Variants in WTAP observed in about 807,000 individuals in gnomAD.
WTAP encodes the protein pre-mRNA-splicing regulator WTAP.
WTAP carries 8 observed loss-of-function variants against 50.0 expected under a neutral mutation model. The observed-to-expected ratio is 0.16, with a 90% CI of 0.09 to 0.29. WTAP has a LOEUF of 0.29. WTAP is among the 10% of genes least tolerant of loss of function. WTAP has a pLI of 1.00. For missense variants in WTAP, 295 were observed against 470.7 expected, an observed-to-expected ratio of 0.63 and a Z score of 3.45; for synonymous variants, 194 against 169.0, an observed-to-expected ratio of 1.15 and a Z score of -1.15.
intron 5 of WTAP, among the ~76,000 whole-genome samples, chr6:159,747,907 A>G (rs1779670907): frequency 6.6e-6 from 1 of 152,066 alleles, no homozygotes. Context: ...TATTTTTTTA[A>G]TTGACAAATA....
chr6:159,738,881 T>C, intron 2 of WTAP, 109 bp from the exon 3 acceptor site: 1 of 707,672 alleles, frequency 1.4e-6, no homozygotes, highest in South Asian at 2.6e-5. Context: ...AATCATAATA[T>C]GTACTGAGCC....
intron 2 of WTAP, chr6:159,736,615 A>G (rs1256787403): frequency 9.6e-6 from 2 of 208,768 alleles, no homozygotes; most frequent in Non-Finnish European, 9.5e-6. Flanking sequence ...TTCCAGGTAC[A>G]TATATACAAA....
intron 1 of WTAP, among the ~76,000 whole-genome samples, chr6:159,732,906 T>TGTGTGTGTGTGG (rs2114880360): frequency 1.8e-5 from 2 of 110,544 alleles, no homozygotes; most frequent in South Asian, 6.1e-4. Context: ...TGTGTGTGTG[T>TGTGTGTGTGTGG]GTGTGTGTGT....
At chr6:159,730,478 C>T (rs1778499189) in intron 1 of WTAP, among the ~76,000 whole-genome samples, 1 of 152,016 alleles carries the variant, frequency 6.6e-6, no homozygotes, top group Non-Finnish European at 1.5e-5. Context: ...TACCAAACTT[C>T]TCGGTACATT....
intron 1 of WTAP, among the ~76,000 whole-genome samples, chr6:159,728,653 T>C (rs139263609): frequency 2.0e-5 from 3 of 152,360 alleles, no homozygotes; most frequent in African/African-American, 4.8e-5. Flanking sequence ...AAAACCGTAA[T>C]TTAAAACTAT....
intron 3 of WTAP, 25 bp downstream of exon 3, chr6:159,739,070 A>G (rs1435312973): frequency 1.9e-6 from 3 of 1,582,158 alleles, no homozygotes; most frequent in East Asian, 4.5e-5. Context: ...GTTCAAAAAC[A>G]AAGTCTTTCT....
intron 5 of WTAP, chr6:159,744,985 A>T (rs1779488832): frequency 6.6e-6 from 1 of 152,186 alleles, no homozygotes; most frequent in South Asian, 2.1e-4. Flanking sequence ...CTGGCCCATT[A>T]TCATTTTCTC....
intron 1 of WTAP, among the ~76,000 whole-genome samples, chr6:159,732,886 AGT>A (rs67554039): frequency 0.011 from 1,591 of 146,470 alleles, 13 homozygotes; most frequent in African/African-American, 0.024. Flanking sequence ...ATATATATAT[AGT>A]GTGTGTGTGT....
chr6:159,753,902 C>T (rs1006974022), intron 7 of WTAP, among the ~76,000 whole-genome samples: 2 of 152,136 alleles, frequency 1.3e-5, no homozygotes, highest in Admixed American at 6.5e-5. Flanking sequence ...TATTACTTAA[C>T]AAGATGGACA....
chr6:159,737,483 C>T (rs73022775), intron 2 of WTAP, among the ~76,000 whole-genome samples: 2,759 of 151,788 alleles, frequency 0.018, 36 homozygotes, highest in Non-Finnish European at 0.031. Flanking sequence ...CTAATAAAGC[C>T]TTTATTTTAT....
chr6:159,755,017 C>T lies in WTAP; in HGVS notation c.608-11C>T. 3 of 1,599,150 alleles carry T rather than the reference C, an allele frequency of 1.9e-6. No individual in the cohort carries two copies. Among genetic ancestry groups the T allele is most frequent in the East Asian group, 2.2e-5 (1 of 44,694 alleles). ...ACGATATTAAAGTTGGTCTGACTCT[C>T]CTTTGCACAGAACTGAATGACTTCA... On this transcript the variant is annotated splice_polypyrimidine_tract_variant and intron_variant, in intron 7 of 7. Coordinates refer to ENST00000621533, the MANE Select transcript of WTAP (RefSeq NM_001270531.2).
At chr6:159,752,061 TC>T (rs1779840455) in intron 6 of WTAP, among the ~76,000 whole-genome samples, 2 of 128,432 alleles carry the variant, frequency 1.6e-5, no homozygotes, top group African/African-American at 5.9e-5. Context: ...GACCCCCATC[TC>T]AAAAAAAAAA....
At chr6:159,754,349 T>C (rs1449915123) in intron 7 of WTAP, among the ~76,000 whole-genome samples, 2 of 152,156 alleles carry the variant, frequency 1.3e-5, no homozygotes, top group Non-Finnish European at 2.9e-5. Context: ...TGGAGTGTTA[T>C]AGAGGACCAC....
Position 159,748,772 on chromosome 6 carries a change from A to C in WTAP, c.452+403A>C. 1 of 1,234,928 alleles carries C rather than the reference A, an allele frequency of 8.1e-7. No homozygotes were observed. The highest frequency in any genetic ancestry group is 1.0e-6 in the Non-Finnish European group (1 of 989,804). The allele number at this position is 1,234,928 out of a possible 1,614,324, so 76.5% of individuals were successfully genotyped here. A position where few individuals can be genotyped will look rare whatever the true frequency, so the allele number is the denominator to read the frequency against. On this transcript the variant is annotated intron_variant, in intron 6 of 7. Transcript: ENST00000621533. This position sits in a 1 kb window ranked among gnomAD's most constrained non-coding sequence, Gnocchi z 5.6. ...AAGGAATGAAAACCTAGAGATTTTA[A>C]ATCATGAATTGAACATGTAAAATTC...
At chr6:159,733,006 C>T (rs559182000) in intron 1 of WTAP, among the ~76,000 whole-genome samples, 110 of 151,550 alleles carry the variant, frequency 7.3e-4, no homozygotes, top group Non-Finnish European at 1.4e-3. Flanking sequence ...CAGCCTAATG[C>T]ATGTGTCATG....
chr6:159,736,093 T>C (rs1778895507), intron 1 of WTAP, among the ~76,000 whole-genome samples, 165 bp from the exon 2 acceptor site: 1 of 152,216 alleles, frequency 6.6e-6, no homozygotes, highest in Non-Finnish European at 1.5e-5. Flanking sequence ...TCTTTGCCAC[T>C]TTTTTGTAAA....
Position 159,755,760 on chromosome 6 carries a change from CTTTTCTTTTTTTTTTTTTTTT to C in WTAP, c.*154_*174del. The C allele has an allele frequency of 3.5e-6, 1 of 281,890 alleles. No homozygotes were observed. The allele number at this position is 281,890 out of a possible 1,614,324, so 17.5% of individuals were successfully genotyped here. On this transcript the variant is annotated 3_prime_UTR_variant, in exon 8 of 8. Coordinates refer to ENST00000621533, the MANE Select transcript of WTAP (RefSeq NM_001270531.2). ...TGTTTTTTTTCTTTGTTTTTTTTTT[CTTTTCTTTTTTTTTTTTTTTT>C]TTTTTTTTTGCTTCAATACTTCTGC...
intron 3 of WTAP, among the ~76,000 whole-genome samples, 179 bp downstream of exon 3, chr6:159,739,224 C>T (rs1779097369): frequency 6.6e-6 from 1 of 152,130 alleles, no homozygotes; most frequent in Admixed American, 6.5e-5. Context: ...GAAAACGTAA[C>T]ACTTTAAAGA....
chr6:159,749,116 T>A (rs1779728984), intron 6 of WTAP: 9 of 986,244 alleles, frequency 9.1e-6, no homozygotes, highest in Non-Finnish European at 1.1e-5. Flanking sequence ...TTTGAATGGT[T>A]GCAAAAACTG....
Sources: gnomAD v4.1 joint callset for allele counts (sites outside exome capture counted in the v4.1 genomes callset) on GRCh38, gnomAD v4.1.1 for gene constraint, Gnocchi (gnomAD v3.1) non-coding constraint, MANE v1.5 for transcripts, NCBI Gene and HGNC (gene_info 2026-07-23, HGNC 2026-07-21) for gene names.